Variants in TAS2R1 observed in about 807,000 individuals in gnomAD.
TAS2R1 encodes the protein taste receptor type 2 member 1.
For missense variants in TAS2R1, 370 were observed against 353.4 expected, an observed-to-expected ratio of 1.05 and a Z score of -0.38; for synonymous variants, 141 against 134.2, an observed-to-expected ratio of 1.05 and a Z score of -0.35.
chr5:9,804,465 C>T, the TAS2R1 span, among the ~76,000 whole-genome samples: 1 of 152,148 alleles, frequency 6.6e-6, no homozygotes. Context: ...GCACATGGAA[C>T]ATTCTCCAAG....
At chr5:9,743,254 C>T in the TAS2R1 span, among the ~76,000 whole-genome samples, 2 of 152,060 alleles carry the variant, frequency 1.3e-5, no homozygotes, top group African/African-American at 4.8e-5. Context: ...CCTCTGGATG[C>T]TAATGAAATA....
At chr5:9,691,904 T>C (rs1260332660) in intron 1 of TAS2R1, among the ~76,000 whole-genome samples, 1 of 152,168 alleles carries the variant, frequency 6.6e-6, no homozygotes, top group Non-Finnish European at 1.5e-5. Flanking sequence ...GATCATAATT[T>C]CCAGAAGGAT....
At chr5:9,901,096 G>A in the TAS2R1 span, among the ~76,000 whole-genome samples, 2 of 152,102 alleles carry the variant, frequency 1.3e-5, no homozygotes, top group East Asian at 3.9e-4. Flanking sequence ...TCCCATTAGG[G>A]CCCTGGGTTG....
At chr5:9,677,113 G>C (rs901283185) in intron 1 of TAS2R1, among the ~76,000 whole-genome samples, 3 of 152,208 alleles carry the variant, frequency 2.0e-5, no homozygotes, top group Non-Finnish European at 4.4e-5. Context: ...TGGGAACACG[G>C]ATGGAGCTGG....
intron 1 of TAS2R1, among the ~76,000 whole-genome samples, chr5:9,677,883 C>A (rs575636695): frequency 2.0e-5 from 3 of 152,074 alleles, no homozygotes; most frequent in Non-Finnish European, 4.4e-5. Context: ...TGTTTCATAG[C>A]AACCTTATTC....
chr5:9,823,019 CAAA>C, the TAS2R1 span, among the ~76,000 whole-genome samples: 41 of 114,364 alleles, frequency 3.6e-4, no homozygotes, highest in African/African-American at 6.1e-4. Flanking sequence ...TCCTCTCCAC[CAAA>C]AAAAAAAAAA....
chr5:9,636,979 T>A (rs1739975325), intron 2 of TAS2R1, among the ~76,000 whole-genome samples: 1 of 37,420 alleles, frequency 2.7e-5, no homozygotes, highest in African/African-American at 9.4e-5. Context: ...GTTGCCTTAA[T>A]ACCTTGTTTT....
chr5:9,901,806 T>C, the TAS2R1 span, among the ~76,000 whole-genome samples: 11 of 152,160 alleles, frequency 7.2e-5, no homozygotes, highest in Non-Finnish European at 5.9e-5. Flanking sequence ...AGCACACCTA[T>C]GCTAGAAAAA....
At chr5:9,777,895 A>T in the TAS2R1 span, among the ~76,000 whole-genome samples, 1 of 112,142 alleles carries the variant, frequency 8.9e-6, no homozygotes, top group Non-Finnish European at 2.0e-5. Flanking sequence ...TTTTTTTGAG[A>T]CGGAGTCTTG....
At chr5:9,837,314 G>T in the TAS2R1 span, among the ~76,000 whole-genome samples, 1 of 152,196 alleles carries the variant, frequency 6.6e-6, no homozygotes, top group Non-Finnish European at 1.5e-5. Flanking sequence ...TATGGTGACG[G>T]ATGGGGTCCT....
At chr5:9,876,025 G>A in the TAS2R1 span, among the ~76,000 whole-genome samples, 1 of 152,084 alleles carries the variant, frequency 6.6e-6, no homozygotes, top group Non-Finnish European at 1.5e-5. Flanking sequence ...AACTATGGTA[G>A]AGACTGGAAA....
chr5:9,767,531 G>A, the TAS2R1 span, among the ~76,000 whole-genome samples: 1 of 152,174 alleles, frequency 6.6e-6, no homozygotes, highest in Non-Finnish European at 1.5e-5. Flanking sequence ...ATCAAAGTAA[G>A]GCTGGCACCC....
the TAS2R1 span, among the ~76,000 whole-genome samples, chr5:9,894,455 GAC>G: frequency 8.0e-5 from 12 of 150,582 alleles, no homozygotes; most frequent in East Asian, 7.8e-4. Context: ...GCAGCAGGGA[GAC>G]ACACACACAC....
chr5:9,840,869 T>A, the TAS2R1 span, among the ~76,000 whole-genome samples: 521 of 5,762 alleles, frequency 0.09, 34 homozygotes, highest in South Asian at 0.14. Context: ...TTTTTTTTTT[T>A]TTTTTTTTTT....
chr5:9,755,948 T>C, the TAS2R1 span, among the ~76,000 whole-genome samples: 5 of 152,202 alleles, frequency 3.3e-5, 1 homozygote, highest in African/African-American at 9.6e-5. Context: ...TTATCAGCAA[T>C]GTCTTTATGA....
the TAS2R1 span, among the ~76,000 whole-genome samples, chr5:9,777,122 G>C: frequency 6.6e-6 from 1 of 152,178 alleles, no homozygotes; most frequent in Non-Finnish European, 1.5e-5. Context: ...GGCTGGGCTG[G>C]CTGTGGAAAT....
the TAS2R1 span, among the ~76,000 whole-genome samples, chr5:9,749,546 G>C: frequency 3.9e-5 from 6 of 152,158 alleles, no homozygotes; most frequent in Non-Finnish European, 5.9e-5. Flanking sequence ...GGAGACTATA[G>C]GTTAGGCTGA....
At chr5:9,679,804 A>G (rs1740959613) in intron 1 of TAS2R1, among the ~76,000 whole-genome samples, 1 of 152,222 alleles carries the variant, frequency 6.6e-6, no homozygotes, top group African/African-American at 2.4e-5. Flanking sequence ...TTATAGATAC[A>G]TGTATATATG....
At chr5:9,711,409 T>C in intron 1 of TAS2R1, among the ~76,000 whole-genome samples, 1 of 152,128 alleles carries the variant, frequency 6.6e-6, no homozygotes, top group Non-Finnish European at 1.5e-5. Flanking sequence ...AAATAAGTCA[T>C]CACAGAAGGA....
Sources: gnomAD v4.1 joint callset for allele counts (sites outside exome capture counted in the v4.1 genomes callset) on GRCh38, gnomAD v4.1.1 for gene constraint, MANE v1.5 for transcripts, NCBI Gene and HGNC (gene_info 2026-07-23, HGNC 2026-07-21) for gene names.